Variants in SCUBE2 observed in about 807,000 individuals in gnomAD.
The protein encoded by SCUBE2 is signal peptide, CUB and EGF-like domain-containing protein 2.
A neutral mutation model predicts 125.9 loss-of-function variants in SCUBE2; 114 were observed. The observed-to-expected ratio is 0.91, with a 90% CI of 0.78 to 1.06. The LOEUF is 1.06. SCUBE2 is among the 50% of genes least tolerant of loss of function. The pLI is 0.00. For missense variants in SCUBE2, 1,255 were observed against 1,301.8 expected (o/e 0.96, Z 0.55); for synonymous variants, 459 against 492.9 (o/e 0.93, Z 0.91).
intron 2 of SCUBE2, among the ~76,000 whole-genome samples, chr11:9,080,671 G>C (rs1050113481): frequency 6.7e-6 from 1 of 149,710 alleles, no homozygotes; most frequent in African/African-American, 2.4e-5. Context: ...AGGAGAAAAA[G>C]AGAAAAATCT....
chr11:9,070,168 G>C (rs1271335551), intron 4 of SCUBE2, among the ~76,000 whole-genome samples: 3 of 152,232 alleles, frequency 2.0e-5, no homozygotes, highest in Non-Finnish European at 2.9e-5. Context: ...AGAGAAGAGA[G>C]AGAGAGAGAA....
rs140739403 is a variant in SCUBE2, at chr11:9,021,908, A to G, written c.2902T>C (p.Tyr968His). The stretch of plus-strand genomic sequence containing the variant: ...ATTTCCTGATGGTTCTCAGATGCAT[A>G]GAGCCTGCCATCTCGAACTATGTCT... ...IEDIVRDGRL[Y>H]ASENHQEILK... Residue 968 changes from tyrosine to histidine, a missense_variant, in exon 22 of 23, where the codon TAT (tyrosine) becomes CAT (histidine). By Grantham distance (83) the Tyr-to-His change is moderately conservative. Transcript: ENST00000649792. The G allele has an allele frequency of 1.1e-5, 18 of 1,613,842 alleles. No homozygotes were observed. The highest frequency in any genetic ancestry group is 1.3e-5 in the Non-Finnish European group (15 of 1,179,832).
rs762069882 is a variant in SCUBE2, at chr11:9,047,502, C to T, written c.1856G>A (p.Arg619His). The change falls in exon 16 of 23, where the codon CGC (arginine) becomes CAC (histidine). Residue 619 changes from arginine to histidine, a missense_variant. This residue lies in a region of SCUBE2 where 515 missense variants were observed against 515.7 expected (regional missense o/e 1.00). Coordinates refer to ENST00000649792, the MANE Select transcript of SCUBE2 (RefSeq NM_001367977.2). The part of the protein sequence containing the change: ...RTEKRLRKAI[R>H]TLRKAVHREQ... Reference sequence around the variant, plus strand: ...CCTGTGGACGGCCTTTCTGAGCGTGCGGATGGCTTTACGGAGCCGCTTCTC... The same window carrying T: ...CCTGTGGACGGCCTTTCTGAGCGTGTGGATGGCTTTACGGAGCCGCTTCTC... 1.5e-5 allele frequency: 24 copies of T among 1,613,488 alleles called. No homozygotes were observed. Among genetic ancestry groups the T allele is most frequent in the Middle Eastern group, 3.3e-4 (2 of 6,084 alleles).
At position 9,020,805 on chromosome 11, in the gene SCUBE2, C is replaced by T; in HGVS notation, c.*240G>A. 2.5e-6 allele frequency: 1 copy of T among 405,106 alleles called. No individual in the cohort carries two copies. The highest frequency in any genetic ancestry group is 4.4e-6 in the Non-Finnish European group (1 of 226,814). The allele number at this position is 405,106 out of a possible 1,614,324, so 25.1% of individuals were successfully genotyped here. ...GCCCGTGATCTATCCAAGACATCCGCCCACAGCAGTGAGAAGCTGATGCCA... is the reference window on the plus strand; with the variant it reads ...GCCCGTGATCTATCCAAGACATCCGTCCACAGCAGTGAGAAGCTGATGCCA... On this transcript the variant is annotated 3_prime_UTR_variant, in exon 23 of 23. Transcript: ENST00000649792.
chr11:9,066,572 A>G, intron 6 of SCUBE2, 125 bp downstream of exon 6: 1 of 766,974 alleles, frequency 1.3e-6, no homozygotes, highest in Non-Finnish European at 2.2e-6. Flanking sequence ...GAAGCAGCAC[A>G]GGGCCTGCTG....
At chr11:9,077,799 C>T (rs556153419) in intron 3 of SCUBE2, among the ~76,000 whole-genome samples, 2 of 152,334 alleles carry the variant, frequency 1.3e-5, no homozygotes, top group South Asian at 2.1e-4. Context: ...AAAGAGATCC[C>T]ACAGAGGGGA....
chr11:9,091,436 G>C lies in SCUBE2; in HGVS notation c.93C>G (p.Ala31=). 2 of 1,331,474 alleles carry C rather than the reference G, an allele frequency of 1.5e-6. No homozygotes were observed. Among genetic ancestry groups the C allele is most frequent in the South Asian group, 1.9e-5 (1 of 52,290 alleles). 82.5% of individuals were successfully genotyped at this position (1,331,474 alleles called of 1,614,324 possible). ...CGGCACGGCCCCGACCCGGCGGGACGGCCCCCGCCAGCAGCAGCAGTGGCG... is the reference window on the plus strand; with the variant it reads ...CGGCACGGCCCCGACCCGGCGGGACCGCCCCCGCCAGCAGCAGCAGTGGCG... The part of the protein sequence containing the change: ...LLPPLLLLAG[A]VPPGRGRAAG... The change falls in exon 1 of 23, where the codon GCC becomes GCG. Residue 31 remains alanine (A), a synonymous_variant. Transcript: ENST00000649792. This position sits in a 1 kb window ranked among gnomAD's most constrained non-coding sequence, Gnocchi z 8.5.
At chr11:9,071,225 G>A (rs1221779040) in intron 4 of SCUBE2, among the ~76,000 whole-genome samples, 1 of 152,168 alleles carries the variant, frequency 6.6e-6, no homozygotes, top group East Asian at 1.9e-4. Context: ...TCCCAAACAG[G>A]CCAGCTGCTG....
Position 9,060,391 on chromosome 11 carries a change from G to A in SCUBE2, c.967+17C>T. On this transcript the variant is annotated intron_variant, in intron 8 of 22. Transcript: ENST00000649792. ...CCATAACAGGGCACCCAGTCTCCCTGGGGAGGTGAAGGCTACCTTTACATG... is the reference window on the plus strand; with the variant it reads ...CCATAACAGGGCACCCAGTCTCCCTAGGGAGGTGAAGGCTACCTTTACATG... 1 of 1,590,578 alleles carries A rather than the reference G, an allele frequency of 6.3e-7. No homozygotes were observed.
intron 7 of SCUBE2, among the ~76,000 whole-genome samples, chr11:9,061,172 C>T (rs900299460): frequency 2.6e-5 from 4 of 152,110 alleles, no homozygotes; most frequent in African/African-American, 9.7e-5. Context: ...AAGTAATAGA[C>T]AAGTGCTATT....
In SCUBE2 at chr11:9,020,032, C is replaced by T. The variant is rs1855181967; in HGVS notation, c.*1013G>A. ...AATGAGACCACCCTTCAAGGGGCTG[C>T]TCATGTCCACGGAGCAGAGTCCGTC... On this transcript the variant is annotated 3_prime_UTR_variant, in exon 23 of 23. Coordinates refer to ENST00000649792, the MANE Select transcript of SCUBE2 (RefSeq NM_001367977.2). Among the ~76,000 whole-genome samples, 1 of 152,172 alleles carries T rather than the reference C, an allele frequency of 6.6e-6. No homozygotes were observed. The highest frequency in any genetic ancestry group is 2.1e-4 in the South Asian group (1 of 4,826).
At position 9,091,422 on chromosome 11, in the gene SCUBE2, C is replaced by A. The variant is rs1862718495; in HGVS notation, c.107G>T (p.Arg36Leu). 4 of 1,332,554 alleles carry A rather than the reference C, an allele frequency of 3.0e-6. No individual in the cohort carries two copies. Among genetic ancestry groups the A allele is most frequent in the Non-Finnish European group, 3.8e-6 (4 of 1,043,388 alleles). The allele number at this position is 1,332,554 out of a possible 1,614,324, so 82.5% of individuals were successfully genotyped here. A position where few individuals can be genotyped will look rare whatever the true frequency, so the allele number is the denominator to read the frequency against. The change falls in exon 1 of 23, where the codon CGG becomes CTG. Residue 36 changes from arginine (R) to leucine (L), a missense_variant. Transcript: ENST00000649792. The surrounding 1 kb of genome is among the most constrained non-coding windows in gnomAD (Gnocchi z 8.5). ...LLLAGAVPPG[R>L]GRAAGPQEDV... is the part of the protein sequence containing the mutation. ...CTCCTGCGGCCCCGCGGCACGGCCCCGACCCGGCGGGACGGCCCCCGCCAG... is the reference window on the plus strand; with the variant it reads ...CTCCTGCGGCCCCGCGGCACGGCCCAGACCCGGCGGGACGGCCCCCGCCAG...
intron 19 of SCUBE2, among the ~76,000 whole-genome samples, chr11:9,029,473 C>T (rs928922450): frequency 6.6e-6 from 1 of 152,244 alleles, no homozygotes; most frequent in African/African-American, 2.4e-5. Flanking sequence ...CAGAGTCAAT[C>T]GCTCCTTCCT....
intron 4 of SCUBE2, 29 bp from the exon 5 acceptor site, chr11:9,069,524 C>T (rs768963359): frequency 6.2e-7 from 1 of 1,613,480 alleles, no homozygotes; most frequent in South Asian, 1.1e-5. Context: ...CGACAGGTGA[C>T]TAGGCTGTGG....
intron 7 of SCUBE2, chr11:9,065,230 T>C (rs1860094534): frequency 6.6e-6 from 1 of 152,138 alleles, no homozygotes; most frequent in Admixed American, 6.5e-5. Context: ...TCATCCTGAA[T>C]TATAATCCCC....
In SCUBE2 at chr11:9,020,519, C is replaced by G. The variant is rs1160520640; in HGVS notation, c.*526G>C. 6.6e-6 allele frequency: 1 copy of G among 151,978 alleles called. No homozygotes were observed. Among genetic ancestry groups the G allele is most frequent in the Non-Finnish European group, 1.5e-5 (1 of 68,006 alleles). 9.4% of individuals were successfully genotyped at this position (151,978 alleles called of 1,614,324 possible). A position where few individuals can be genotyped will look rare whatever the true frequency, so the allele number is the denominator to read the frequency against. On this transcript the variant is annotated 3_prime_UTR_variant, in exon 23 of 23. Coordinates refer to ENST00000649792, the MANE Select transcript of SCUBE2 (RefSeq NM_001367977.2). ...CAGGCTGGAGAAGGCTGTGGAGAAACTGAGTCCTCCCAGGTCTCAAGGTGG... is the reference window on the plus strand; with the variant it reads ...CAGGCTGGAGAAGGCTGTGGAGAAAGTGAGTCCTCCCAGGTCTCAAGGTGG...
At chr11:9,040,178 G>A (rs376414564) in intron 16 of SCUBE2, among the ~76,000 whole-genome samples, 1 of 152,182 alleles carries the variant, frequency 6.6e-6, no homozygotes, top group Non-Finnish European at 1.5e-5. Context: ...ACCTCGGAGA[G>A]TACCACACCC....
intron 16 of SCUBE2, among the ~76,000 whole-genome samples, chr11:9,046,448 C>T (rs1160353435): frequency 1.3e-5 from 2 of 152,144 alleles, no homozygotes; most frequent in African/African-American, 2.4e-5. Context: ...CCATGGGGCC[C>T]TTGACATTAG....
At chr11:9,055,701 C>A in intron 10 of SCUBE2, 92 bp downstream of exon 10, 1 of 912,040 alleles carries the variant, frequency 1.1e-6, no homozygotes, top group South Asian at 1.4e-5. Flanking sequence ...TTTCATACCC[C>A]AATGTAGGAA....
Sources: allele counts gnomAD v4.1 joint callset (sites outside exome capture counted in the v4.1 genomes callset), GRCh38; gene constraint gnomAD v4.1.1; regional missense constraint gnomAD v4.1.1; non-coding constraint Gnocchi (gnomAD v3.1); transcripts MANE v1.5; gene names NCBI Gene and HGNC (gene_info 2026-07-23, HGNC 2026-07-21).